Variants in NKAIN3 observed in about 807,000 individuals in gnomAD.
NKAIN3 encodes the protein sodium/potassium-transporting ATPase subunit beta-1-interacting protein 3.
A neutral mutation model predicts 30.2 loss-of-function variants in NKAIN3; 25 were observed. That is an observed-to-expected ratio of 0.83 (90% CI 0.60 to 1.16). The LOEUF (loss-of-function observed/expected upper bound fraction) is 1.16. Ranked by LOEUF, NKAIN3 falls within the 50% of genes most tolerant of loss-of-function variation. The pLI is 0.00. For missense variants in NKAIN3, 225 were observed against 254.1 expected (o/e 0.89, Z 0.78); for synonymous variants, 91 against 89.6 (o/e 1.02, Z -0.09).
intron 3 of NKAIN3, among the ~76,000 whole-genome samples, chr8:62,741,583 C>T (rs1586150933): frequency 1.3e-5 from 2 of 152,210 alleles, no homozygotes; most frequent in East Asian, 3.9e-4. Context: ...CTGTATTAAA[C>T]TAACCCTTAT....
At chr8:62,545,782 C>A (rs1394992513) in intron 1 of NKAIN3, among the ~76,000 whole-genome samples, 1 of 152,066 alleles carries the variant, frequency 6.6e-6, no homozygotes, top group Non-Finnish European at 1.5e-5. Context: ...TGTACATAAA[C>A]CATTTTGCAT....
intron 1 of NKAIN3, among the ~76,000 whole-genome samples, chr8:62,263,934 G>C (rs540838687): frequency 3.3e-5 from 5 of 152,094 alleles, no homozygotes; most frequent in Non-Finnish European, 5.9e-5. Flanking sequence ...ATAAACTACA[G>C]ACAAAAGATG....
chr8:62,907,090 T>C (rs537934430), intron 4 of NKAIN3, among the ~76,000 whole-genome samples: 1 of 152,168 alleles, frequency 6.6e-6, no homozygotes, highest in African/African-American at 2.4e-5. Flanking sequence ...TAGTCTCAGA[T>C]AGAGATGAGG....
chr8:62,630,461 T>G (rs1353792859), intron 3 of NKAIN3, among the ~76,000 whole-genome samples: 5 of 152,136 alleles, frequency 3.3e-5, no homozygotes, highest in African/African-American at 4.8e-5. Context: ...TTCATAATCA[T>G]GTAATCAGGA....
At chr8:62,650,295 A>G (rs1812585199) in intron 3 of NKAIN3, among the ~76,000 whole-genome samples, 1 of 152,110 alleles carries the variant, frequency 6.6e-6, no homozygotes, top group Admixed American at 6.6e-5. Context: ...GGTGCTCACT[A>G]CTTCTGCCTC....
At chr8:62,378,074 A>G (rs1817151075) in intron 1 of NKAIN3, among the ~76,000 whole-genome samples, 1 of 152,126 alleles carries the variant, frequency 6.6e-6, no homozygotes, top group Non-Finnish European at 1.5e-5. Context: ...AATTGCTTTG[A>G]CCAAAATGCT....
intron 4 of NKAIN3, among the ~76,000 whole-genome samples, chr8:62,816,331 A>T (rs1462222745): frequency 6.6e-6 from 1 of 152,102 alleles, no homozygotes; most frequent in Admixed American, 6.6e-5. Context: ...TCCATGGCCT[A>T]GGCTGTGATT....
intron 1 of NKAIN3, among the ~76,000 whole-genome samples, chr8:62,442,737 T>C (rs1180413528): frequency 6.6e-6 from 1 of 152,042 alleles, no homozygotes; most frequent in Non-Finnish European, 1.5e-5. Context: ...CATAAATTTC[T>C]TGATTGAGCT....
In NKAIN3 at chr8:62,444,130, A is replaced by G. The variant is rs574762544; in HGVS notation, c.55-135409A>G. Among the ~76,000 whole-genome samples the G allele has an allele frequency of 2.6e-5, 4 of 151,308 alleles. No individual in the cohort carries two copies. The South Asian group carries it at 8.3e-4, about 31-fold the overall frequency. On this transcript the variant is annotated intron_variant, in intron 1 of 6. Transcript: ENST00000623646. ...TTATTGATATGTAATACATGTACAT[A>G]TTTTTGGGATACAAGTGATAATTTC...
chr8:62,414,431 CT>C (rs1287945552), intron 1 of NKAIN3, among the ~76,000 whole-genome samples: 2 of 152,092 alleles, frequency 1.3e-5, no homozygotes, highest in African/African-American at 4.8e-5. Context: ...CGATACTGTT[CT>C]TTTGATGCTT....
In NKAIN3 at chr8:62,675,648, T is replaced by A. The variant is rs77797657; in HGVS notation, c.274-71284T>A. On this transcript the variant is annotated intron_variant, in intron 3 of 6. Coordinates refer to ENST00000623646, the MANE Select transcript of NKAIN3 (RefSeq NM_001304533.3). ...AAGGAAGAACACCTGAACCAGCAGCTATTGTTCCCCTCTCTTGCTCACTGA... is the reference window on the plus strand; with the variant it reads ...AAGGAAGAACACCTGAACCAGCAGCAATTGTTCCCCTCTCTTGCTCACTGA... 3.4e-3 allele frequency among the ~76,000 whole-genome samples: 522 copies of A among 152,298 alleles called. 2 individuals carry two copies. The highest frequency in any genetic ancestry group is 5.4e-3 in the Admixed American group (82 of 15,298).
At chr8:62,670,065 C>T (rs950709043) in intron 3 of NKAIN3, among the ~76,000 whole-genome samples, 10 of 151,974 alleles carry the variant, frequency 6.6e-5, no homozygotes, top group African/African-American at 2.2e-4. Flanking sequence ...TTAGCAAAGA[C>T]AACACAATTA....
At chr8:62,868,445 C>T (rs1820492096) in intron 4 of NKAIN3, among the ~76,000 whole-genome samples, 1 of 151,578 alleles carries the variant, frequency 6.6e-6, no homozygotes, top group African/African-American at 2.4e-5. Context: ...ATAATTCAGG[C>T]AGAAACAATT....
intron 5 of NKAIN3, among the ~76,000 whole-genome samples, chr8:62,946,185 C>T (rs190790341): frequency 6.6e-6 from 1 of 152,284 alleles, no homozygotes; most frequent in Admixed American, 6.5e-5. Context: ...CATCATCTCC[C>T]TGCTTGGACA....
In NKAIN3 at chr8:62,712,798, C is replaced by A. The variant is rs542202084; in HGVS notation, c.274-34134C>A. Among the ~76,000 whole-genome samples, 9 of 152,312 alleles carry A rather than the reference C, an allele frequency of 5.9e-5. No homozygotes were observed. The South Asian group carries it at 1.7e-3, about 28-fold the overall frequency. On this transcript the variant is annotated intron_variant, in intron 3 of 6. Transcript: ENST00000623646. ...AGCTCAACTAGAGATTTCCTTCTCC[C>A]TGTGGGATTTTACTCCCTGCTTCCC...
chr8:62,834,541 C>G (rs1422080173), intron 4 of NKAIN3, among the ~76,000 whole-genome samples: 1 of 151,880 alleles, frequency 6.6e-6, no homozygotes, highest in Non-Finnish European at 1.5e-5. Flanking sequence ...AACATTCAAA[C>G]TGAGAGCCAA....
At chr8:62,758,187 A>G (rs1359311651) in intron 4 of NKAIN3, among the ~76,000 whole-genome samples, 1 of 152,020 alleles carries the variant, frequency 6.6e-6, no homozygotes, top group Non-Finnish European at 1.5e-5. Flanking sequence ...AAAAAACAAA[A>G]CAAAAAAAAC....
chr8:62,959,182 C>A (rs1251645896), intron 6 of NKAIN3, among the ~76,000 whole-genome samples: 1 of 152,082 alleles, frequency 6.6e-6, no homozygotes, highest in African/African-American at 2.4e-5. Context: ...AAGGCCAATC[C>A]CTATTTCAGG....
chr8:62,673,644 C>T (rs1267663087), intron 3 of NKAIN3, among the ~76,000 whole-genome samples: 2 of 152,218 alleles, frequency 1.3e-5, no homozygotes, highest in Non-Finnish European at 2.9e-5. Context: ...AGTGTTCTTA[C>T]ACAAACCCAG....
Sources: gnomAD v4.1 joint callset for allele counts (sites outside exome capture counted in the v4.1 genomes callset) on GRCh38, gnomAD v4.1.1 for gene constraint, MANE v1.5 for transcripts, NCBI Gene and HGNC (gene_info 2026-07-23, HGNC 2026-07-21) for gene names.